ADGRB3: variants seen among roughly 807,000 people sequenced by gnomAD.
ADGRB3 encodes adhesion G protein-coupled receptor B3, also known as brain-specific angiogenesis inhibitor 3.
In ADGRB3, 37 loss-of-function variants were observed where a neutral mutation model predicts 193.4. That is an observed-to-expected ratio of 0.19 (90% CI 0.15 to 0.25). The LOEUF is 0.25. Ranked by LOEUF, ADGRB3 falls within the 10% of genes least tolerant of loss-of-function variation. ADGRB3 has a pLI of 1.00. For missense variants in ADGRB3, 1,637 were observed against 1,852.9 expected, an observed-to-expected ratio of 0.88 and a Z score of 2.14; for synonymous variants, 690 against 644.2, an observed-to-expected ratio of 1.07 and a Z score of -1.08.
At chr6:68,763,469 G>A (rs1163472770) in intron 3 of ADGRB3, among the ~76,000 whole-genome samples, 3 of 152,124 alleles carry the variant, frequency 2.0e-5, no homozygotes, top group East Asian at 1.9e-4. Context: ...ACCTTGGTAG[G>A]CATTCATATT....
intron 12 of ADGRB3, among the ~76,000 whole-genome samples, chr6:69,017,916 TAAAC>T (rs1435747919): frequency 6.6e-6 from 1 of 151,974 alleles, no homozygotes; most frequent in Non-Finnish European, 1.5e-5. Context: ...TTATAATTAT[TAAAC>T]AATAAATGTT....
intron 3 of ADGRB3, among the ~76,000 whole-genome samples, chr6:68,860,758 C>G (rs957759097): frequency 1.3e-5 from 2 of 152,132 alleles, no homozygotes; most frequent in Non-Finnish European, 2.9e-5. Context: ...TGGGGAGATA[C>G]CCAGCAGTGG....
At chr6:68,696,890 C>T (rs1194812559) in intron 3 of ADGRB3, among the ~76,000 whole-genome samples, 1 of 151,948 alleles carries the variant, frequency 6.6e-6, no homozygotes, top group African/African-American at 2.4e-5. Context: ...AATTTAAAAA[C>T]CTTTCGTCCT....
chr6:68,826,598 A>G (rs1767848188), intron 3 of ADGRB3, among the ~76,000 whole-genome samples: 1 of 152,166 alleles, frequency 6.6e-6, no homozygotes. Context: ...AAATAGATCA[A>G]TCTGGATGTT....
chr6:68,795,863 T>A (rs181216816), intron 3 of ADGRB3, among the ~76,000 whole-genome samples: 21 of 152,244 alleles, frequency 1.4e-4, no homozygotes, highest in South Asian at 6.2e-4. Context: ...TTTTAAAAAG[T>A]TTTTTAAAAT....
At chr6:69,277,785 A>T (rs1241485285) in intron 20 of ADGRB3, among the ~76,000 whole-genome samples, 1 of 152,220 alleles carries the variant, frequency 6.6e-6, no homozygotes, top group African/African-American at 2.4e-5. Flanking sequence ...TTGCCCACAG[A>T]CTTTGGGAAA....
chr6:68,712,261 A>C (rs1239256809), intron 3 of ADGRB3, among the ~76,000 whole-genome samples: 1 of 151,952 alleles, frequency 6.6e-6, no homozygotes, highest in African/African-American at 2.4e-5. Flanking sequence ...AAGAGGCGGC[A>C]ATTTTTGGTG....
chr6:69,272,645 A>C (rs934867235), intron 20 of ADGRB3, among the ~76,000 whole-genome samples: 3 of 152,156 alleles, frequency 2.0e-5, no homozygotes, highest in African/African-American at 7.2e-5. Flanking sequence ...TAGAAACACA[A>C]AATTGACTAA....
chr6:68,985,876 T>C (rs569778740), intron 10 of ADGRB3, among the ~76,000 whole-genome samples: 3 of 152,124 alleles, frequency 2.0e-5, no homozygotes, highest in Non-Finnish European at 4.4e-5. Flanking sequence ...GCTCTGCTTC[T>C]GATTGGGGAG....
chr6:69,078,019 ATATT>A (rs1772282590), intron 17 of ADGRB3, among the ~76,000 whole-genome samples: 1 of 151,956 alleles, frequency 6.6e-6, no homozygotes, highest in South Asian at 2.1e-4. Context: ...TATTTTGACT[ATATT>A]TATATATACA....
chr6:68,915,828 T>G (rs1766864215), intron 3 of ADGRB3, among the ~76,000 whole-genome samples: 1 of 151,966 alleles, frequency 6.6e-6, no homozygotes, highest in African/African-American at 2.4e-5. Flanking sequence ...AGGTGTATGG[T>G]GTGAATTTAT....
At position 69,319,406 on chromosome 6, in the gene ADGRB3, A is replaced by C. The variant is rs1028068573; in HGVS notation, c.2815-5466A>C. On this transcript the variant is annotated intron_variant, in intron 20 of 31. Coordinates refer to ENST00000370598, the MANE Select transcript of ADGRB3 (RefSeq NM_001704.3). Reference sequence around the variant, plus strand: ...AAGAGGTTCCATTTGTATATTAAAAATCTAGACATGCTCTGTTTTTTTATG... The same window carrying C: ...AAGAGGTTCCATTTGTATATTAAAACTCTAGACATGCTCTGTTTTTTTATG... Among the ~76,000 whole-genome samples, 112 of 151,314 alleles carry C rather than the reference A, an allele frequency of 7.4e-4. 1 individual carries two copies. Among genetic ancestry groups the C allele is most frequent in the Non-Finnish European group, 1.0e-3 (68 of 67,518 alleles).
At chr6:69,357,609 T>C (rs1769362775) in intron 28 of ADGRB3, among the ~76,000 whole-genome samples, 1 of 151,868 alleles carries the variant, frequency 6.6e-6, no homozygotes, top group Non-Finnish European at 1.5e-5. Context: ...TCAAAACCAT[T>C]AAACATCTGT....
chr6:68,875,893 C>T (rs2150222156), intron 3 of ADGRB3, among the ~76,000 whole-genome samples: 1 of 151,452 alleles, frequency 6.6e-6, no homozygotes, highest in Non-Finnish European at 1.5e-5. Context: ...CATATTTCCC[C>T]CATATGATTA....
chr6:68,659,149 A>G (rs1301516045), intron 3 of ADGRB3, among the ~76,000 whole-genome samples: 1 of 151,094 alleles, frequency 6.6e-6, no homozygotes, highest in Non-Finnish European at 1.5e-5. Context: ...ATTCTAACTA[A>G]AATAATTTTT....
At chr6:68,713,944 G>A (rs924261323) in intron 3 of ADGRB3, among the ~76,000 whole-genome samples, 1 of 151,294 alleles carries the variant, frequency 6.6e-6, no homozygotes, top group African/African-American at 2.4e-5. Flanking sequence ...TAAAATAATT[G>A]TTTATACATT....
At chr6:68,968,261 G>A (rs550017334) in intron 8 of ADGRB3, among the ~76,000 whole-genome samples, 3 of 152,220 alleles carry the variant, frequency 2.0e-5, no homozygotes, top group South Asian at 2.1e-4. Context: ...AGTGGCTAAG[G>A]TTTGCAATGA....
chr6:69,379,082 C>T (rs1053375544), intron 30 of ADGRB3, among the ~76,000 whole-genome samples: 3 of 151,788 alleles, frequency 2.0e-5, no homozygotes, highest in African/African-American at 7.3e-5. Context: ...AGAAATGTTG[C>T]GTGATAGTAA....
intron 17 of ADGRB3, among the ~76,000 whole-genome samples, chr6:69,175,803 A>G (rs534143875): frequency 6.6e-6 from 1 of 152,242 alleles, no homozygotes; most frequent in East Asian, 1.9e-4. Context: ...TGTGTCAGCT[A>G]TGATTTCTTT....
Sources: gnomAD v4.1 joint callset for allele counts (sites outside exome capture counted in the v4.1 genomes callset) on GRCh38, gnomAD v4.1.1 for gene constraint, MANE v1.5 for transcripts, NCBI Gene and HGNC (gene_info 2026-07-23, HGNC 2026-07-21) for gene names.